Variants in OR1D2 observed in about 807,000 individuals in gnomAD.
OR1D2 encodes the protein olfactory receptor family 1 subfamily D member 2.
For missense variants in OR1D2, 357 were observed against 376.1 expected (o/e 0.95, Z 0.42); for synonymous variants, 157 against 153.9 (o/e 1.02, Z -0.15).
chr17:3,095,792 A>G (rs1237267406), intron 1 of OR1D2, among the ~76,000 whole-genome samples: 1 of 152,110 alleles, frequency 6.6e-6, no homozygotes, highest in Non-Finnish European at 1.5e-5. Context: ...CATAGCATAT[A>G]GAAATATATG....
chr17:3,092,330 T>C lies in OR1D2; in HGVS notation c.667A>G (p.Arg223Gly). 6.2e-7 allele frequency: 1 copy of C among 1,614,208 alleles called. No homozygotes were observed. The highest frequency in any genetic ancestry group is 8.5e-7 in the Non-Finnish European group (1 of 1,180,048). ...ACTGAGGGTATTCTGAGGATGGCTC[T>C]GATAATCAGCACATAGGAAATGATC... The part of the protein sequence containing the change: ...FVIISYVLII[R>G]AILRIPSVSK... Residue 223 changes from arginine to glycine, a missense_variant, in exon 2 of 2, where the codon AGA becomes GGA. Physicochemically the swap from Arg to Gly is moderately radical, Grantham distance 125. Transcript: ENST00000641833.
chr17:3,100,774 A>G (rs1306714403), intron 1 of OR1D2, among the ~76,000 whole-genome samples: 3 of 152,214 alleles, frequency 2.0e-5, no homozygotes, highest in Non-Finnish European at 4.4e-5. Flanking sequence ...ATAGACTGCT[A>G]GCTAGACTAA....
In OR1D2 at chr17:3,092,958, A is replaced by G; in HGVS notation, c.39T>C (p.Leu13=). Residue 13 remains leucine (L), a synonymous_variant, in exon 2 of 2, where the codon CTT becomes CTC. Transcript: ENST00000641833. ...GGNQSEGSEF[L]LLGMSESPEQ... The stretch of plus-strand genomic sequence containing the variant: ...CAGGACTCTCTGACATCCCCAGGAG[A>G]AGGAACTCTGAACCTTCACTCTGGT... 1 of 1,613,914 alleles carries G rather than the reference A, an allele frequency of 6.2e-7. No homozygotes were observed. Among genetic ancestry groups the G allele is most frequent in the Non-Finnish European group, 8.5e-7 (1 of 1,179,974 alleles).
rs1257485468 is a variant in OR1D2, at chr17:3,091,700, A to G, written c.*358T>C. The G allele has an allele frequency of 5.5e-6, 1 of 180,558 alleles. No individual in the cohort carries two copies. The highest frequency in any genetic ancestry group is 1.2e-5 in the Non-Finnish European group (1 of 84,410). 11.2% of individuals were successfully genotyped at this position (180,558 alleles called of 1,614,324 possible). On this transcript the variant is annotated 3_prime_UTR_variant, in exon 2 of 2. Transcript: ENST00000641833. The stretch of plus-strand genomic sequence containing the variant: ...CCACAGCCATGTGACTAACTTTCTT[A>G]TCAGCTACTATTTACTTTCTGTACT...
rs190818138 is a variant in OR1D2 at position 3,091,348 on chromosome 17, C to T, written c.*710G>A. 5.3e-5 allele frequency: 8 copies of T among 152,262 alleles called. No individual in the cohort carries two copies. The highest frequency in any genetic ancestry group is 7.2e-5 in the African/African-American group (3 of 41,540). The allele number at this position is 152,262 out of a possible 1,614,324, so 9.4% of individuals were successfully genotyped here. A position where few individuals can be genotyped will look rare whatever the true frequency, so the allele number is the denominator to read the frequency against. ...ATATGTCTGTTTCTCTTTTTAATTT[C>T]AAGCTTTATATATTCCTGTGCTTTC... On this transcript the variant is annotated 3_prime_UTR_variant, in exon 2 of 2. Transcript: ENST00000641833.
At chr17:3,096,982 A>T (rs2047848858) in intron 1 of OR1D2, among the ~76,000 whole-genome samples, 1 of 152,236 alleles carries the variant, frequency 6.6e-6, no homozygotes, top group South Asian at 2.1e-4. Flanking sequence ...AACCCAAATG[A>T]CATTAAAAGG....
At chr17:3,099,341 TAC>T (rs2047864151) in intron 1 of OR1D2, among the ~76,000 whole-genome samples, 1 of 152,128 alleles carries the variant, frequency 6.6e-6, no homozygotes, top group Non-Finnish European at 1.5e-5. Context: ...GCAGAAACCC[TAC>T]AAGATAGAAG....
rs531603611 is a variant in OR1D2 at position 3,089,405 on chromosome 17, C to T, written c.*2653G>A. The stretch of plus-strand genomic sequence containing the variant: ...GTAGCAGTGGAGTAAAGTGAACTCT[C>T]ATGGTCCAAGTGTTTATCTAGGAGT... On this transcript the variant is annotated 3_prime_UTR_variant, in exon 2 of 2. Coordinates refer to ENST00000641833, the MANE Select transcript of OR1D2 (RefSeq NM_002548.3). 6.6e-6 allele frequency: 1 copy of T among 152,302 alleles called. No individual in the cohort carries two copies. Among genetic ancestry groups the T allele is most frequent in the African/African-American group, 2.4e-5 (1 of 41,442 alleles). 9.4% of individuals were successfully genotyped at this position (152,302 alleles called of 1,614,324 possible). A position where few individuals can be genotyped will look rare whatever the true frequency, so the allele number is the denominator to read the frequency against.
rs1274483121 is a variant in OR1D2, at chr17:3,088,905, T to G, written c.*3153A>C. 1.3e-5 allele frequency: 2 copies of G among 151,136 alleles called. No individual in the cohort carries two copies. Among genetic ancestry groups the G allele is most frequent in the African/African-American group, 4.9e-5 (2 of 40,750 alleles). 9.4% of individuals were successfully genotyped at this position (151,136 alleles called of 1,614,324 possible). ...CCACCCTTACTTTTTTTTTTTTTAA[T>G]TTAAGTTGAACTTCACCTTTCTCGG... On this transcript the variant is annotated 3_prime_UTR_variant, in exon 2 of 2. Transcript: ENST00000641833.
chr17:3,094,398 A>G (rs1244389165), intron 1 of OR1D2, among the ~76,000 whole-genome samples: 4 of 151,472 alleles, frequency 2.6e-5, no homozygotes, highest in Admixed American at 2.0e-4. Context: ...AGAAACATGT[A>G]TATGTAAAAA....
Position 3,092,313 on chromosome 17 carries a change from T to C in OR1D2, c.684A>G (p.Ile228Met), listed in dbSNP as rs771603831. Residue 228 changes from isoleucine (I) to methionine (M), a missense_variant, in exon 2 of 2, where the codon ATA (isoleucine) becomes ATG (methionine). By Grantham distance (10) the Ile-to-Met change is conservative. Transcript: ENST00000641833. Reference sequence around the variant, plus strand: ...CTTTGTATTTCTTAGAGACTGAGGGTATTCTGAGGATGGCTCTGATAATCA... The same window carrying C: ...CTTTGTATTTCTTAGAGACTGAGGGCATTCTGAGGATGGCTCTGATAATCA... The part of the protein sequence containing the change: ...YVLIIRAILR[I>M]PSVSKKYKAF... 2 of 1,614,138 alleles carry C rather than the reference T, an allele frequency of 1.2e-6. No homozygotes were observed. Among genetic ancestry groups the C allele is most frequent in the South Asian group, 2.2e-5 (2 of 91,082 alleles).
chr17:3,098,788 G>A (rs140764510), intron 1 of OR1D2, among the ~76,000 whole-genome samples: 9 of 152,242 alleles, frequency 5.9e-5, no homozygotes, highest in African/African-American at 1.9e-4. Flanking sequence ...TTGATAAAAG[G>A]TTACAGGAGC....
chr17:3,097,442 C>T (rs371667790), intron 1 of OR1D2, among the ~76,000 whole-genome samples: 5 of 152,322 alleles, frequency 3.3e-5, no homozygotes, highest in East Asian at 1.9e-4. Context: ...GCTGAGAAAG[C>T]TCTAAATACG....
intron 1 of OR1D2, among the ~76,000 whole-genome samples, 179 bp from the exon 2 acceptor site, chr17:3,093,225 G>A (rs1006990349): frequency 2.0e-5 from 3 of 152,146 alleles, no homozygotes; most frequent in African/African-American, 7.2e-5. Flanking sequence ...AAGGAATAAT[G>A]TGTAATTCTT....
intron 1 of OR1D2, among the ~76,000 whole-genome samples, chr17:3,102,967 G>A (rs968611682): frequency 7.2e-5 from 11 of 152,260 alleles, no homozygotes; most frequent in African/African-American, 2.6e-4. Flanking sequence ...CTGTCTGTCC[G>A]GAATGGTCCA....
At chr17:3,099,228 A>G (rs1225398271) in intron 1 of OR1D2, among the ~76,000 whole-genome samples, 1 of 152,164 alleles carries the variant, frequency 6.6e-6, no homozygotes, top group East Asian at 1.9e-4. Flanking sequence ...CATAATCATC[A>G]GGTTCTCCAA....
chr17:3,090,714 TGGATGG>T lies in OR1D2; in HGVS notation c.*1338_*1343del, dbSNP rs1421686933. On this transcript the variant is annotated 3_prime_UTR_variant, in exon 2 of 2. Transcript: ENST00000641833. ...CAGGCCTAGTGCTTGGGGATGTGGG[TGGATGG>T]GCCAGCTTCTGGGCACCATGCACAG... 6.6e-6 allele frequency: 1 copy of T among 152,230 alleles called. No homozygotes were observed. The highest frequency in any genetic ancestry group is 1.5e-5 in the Non-Finnish European group (1 of 68,084). The allele number at this position is 152,230 out of a possible 1,614,324, so 9.4% of individuals were successfully genotyped here.
At chr17:3,097,906 G>C (rs567716522) in intron 1 of OR1D2, among the ~76,000 whole-genome samples, 16 of 152,256 alleles carry the variant, frequency 1.1e-4, no homozygotes, top group South Asian at 2.1e-4. Context: ...CCCTATGGTC[G>C]ACTGTGGCCA....
In OR1D2 at chr17:3,091,677, A is replaced by G. The variant is rs1036718884; in HGVS notation, c.*381T>C. On this transcript the variant is annotated 3_prime_UTR_variant, in exon 2 of 2. Transcript: ENST00000641833. ...TGATTGCAATCTCTTTCAAACCTCC[A>G]CAGCCATGTGACTAACTTTCTTATC... The G allele has an allele frequency of 4.5e-5, 8 of 179,256 alleles. No individual in the cohort carries two copies. The highest frequency in any genetic ancestry group is 9.6e-5 in the Non-Finnish European group (8 of 83,158). The allele number at this position is 179,256 out of a possible 1,614,324, so 11.1% of individuals were successfully genotyped here.
Sources: allele counts gnomAD v4.1 joint callset (sites outside exome capture counted in the v4.1 genomes callset), GRCh38; gene constraint gnomAD v4.1.1; transcripts MANE v1.5; gene names NCBI Gene and HGNC (gene_info 2026-07-23, HGNC 2026-07-21).